The following LINGO2 variants were observed in gnomAD, a reference collection of about 807,000 sequenced individuals.
The protein encoded by LINGO2 is leucine-rich repeat and immunoglobulin-like domain-containing nogo receptor-interacting protein 2.
A neutral mutation model predicts 30.6 loss-of-function variants in LINGO2; 14 were observed. The observed-to-expected ratio is 0.46, with a 90% confidence interval of 0.30 to 0.72. LINGO2 has a LOEUF of 0.72. LINGO2 is among the 30% of genes least tolerant of loss of function. The pLI is 0.07. For missense variants in LINGO2, 729 were observed against 751.7 expected, an observed-to-expected ratio of 0.97 and a Z score of 0.35; for synonymous variants, 317 against 288.5, an observed-to-expected ratio of 1.10 and a Z score of -1.00.
chr9:28,059,376 A>G (rs549299508), intron 4 of LINGO2, among the ~76,000 whole-genome samples: 3 of 151,842 alleles, frequency 2.0e-5, no homozygotes, highest in Non-Finnish European at 4.4e-5. Context: ...ACCGGGTCCC[A>G]GCTTTGTTTC....
chr9:29,045,586 A>G, the LINGO2 span, among the ~76,000 whole-genome samples: 2 of 151,516 alleles, frequency 1.3e-5, no homozygotes, highest in African/African-American at 4.8e-5. Context: ...TCATGATTAA[A>G]AAAAAAAAAA....
intron 5 of LINGO2, among the ~76,000 whole-genome samples, chr9:28,002,817 G>T (rs1822030123): frequency 6.6e-6 from 1 of 152,064 alleles, no homozygotes; most frequent in African/African-American, 2.4e-5. Context: ...GGCTACTCTG[G>T]TTTCCTTCGA....
intron 1 of LINGO2, among the ~76,000 whole-genome samples, chr9:28,490,730 T>C (rs1383364175): frequency 6.6e-6 from 1 of 152,192 alleles, no homozygotes; most frequent in Non-Finnish European, 1.5e-5. Context: ...TAGAGAGAAG[T>C]AACATTCTCA....
intron 3 of LINGO2, among the ~76,000 whole-genome samples, chr9:28,348,788 G>A (rs562639025): frequency 3.3e-5 from 5 of 151,968 alleles, no homozygotes; most frequent in Admixed American, 2.0e-4. Flanking sequence ...CTCCCAGCAC[G>A]CAGCTGGAGA....
chr9:28,363,976 CA>C (rs144751973), intron 3 of LINGO2, among the ~76,000 whole-genome samples: 11,116 of 118,412 alleles, frequency 0.094, 504 homozygotes, highest in African/African-American at 0.16. Flanking sequence ...AATTAGGTTA[CA>C]AAAAAAAAAA....
At chr9:28,505,220 T>C (rs750346994) in intron 1 of LINGO2, among the ~76,000 whole-genome samples, 4 of 151,820 alleles carry the variant, frequency 2.6e-5, no homozygotes, top group South Asian at 2.1e-4. Context: ...CTAGAAAGCA[T>C]AAAGGGGAAA....
chr9:29,153,923 T>C, the LINGO2 span, among the ~76,000 whole-genome samples: 2 of 152,134 alleles, frequency 1.3e-5, no homozygotes, highest in Non-Finnish European at 2.9e-5. Context: ...GCCTCAACCT[T>C]GACTTTTTCC....
At chr9:28,802,499 C>T in the LINGO2 span, among the ~76,000 whole-genome samples, 1 of 151,668 alleles carries the variant, frequency 6.6e-6, no homozygotes, top group African/African-American at 2.4e-5. Context: ...TCTGCTTTGG[C>T]TTAATCTATA....
chr9:28,161,040 G>A (rs1397695724), intron 4 of LINGO2, among the ~76,000 whole-genome samples: 2 of 152,184 alleles, frequency 1.3e-5, no homozygotes, highest in Non-Finnish European at 2.9e-5. Flanking sequence ...TAGAATCTCT[G>A]CCATTGCATC....
the LINGO2 span, among the ~76,000 whole-genome samples, chr9:29,104,230 T>C: frequency 6.6e-6 from 1 of 152,168 alleles, no homozygotes; most frequent in Non-Finnish European, 1.5e-5. Context: ...TGAATTGTAA[T>C]AGCCAGTGTT....
the LINGO2 span, among the ~76,000 whole-genome samples, chr9:28,791,123 C>T: frequency 6.6e-6 from 1 of 152,090 alleles, no homozygotes; most frequent in African/African-American, 2.4e-5. Context: ...CCCTTCCTTT[C>T]TCACCACCAA....
At chr9:28,087,155 C>T (rs1474969990) in intron 4 of LINGO2, among the ~76,000 whole-genome samples, 3 of 152,056 alleles carry the variant, frequency 2.0e-5, no homozygotes, top group South Asian at 2.1e-4. Flanking sequence ...GACCAGTTAG[C>T]TCCTAGTCCA....
At chr9:29,032,531 A>G in the LINGO2 span, among the ~76,000 whole-genome samples, 1 of 152,296 alleles carries the variant, frequency 6.6e-6, no homozygotes, top group South Asian at 2.1e-4. Context: ...TAATGTCTCA[A>G]ATTTAACTTA....
At chr9:28,574,930 A>G (rs1221078505) in intron 1 of LINGO2, among the ~76,000 whole-genome samples, 1 of 152,192 alleles carries the variant, frequency 6.6e-6, no homozygotes, top group Middle Eastern at 3.2e-3. Context: ...TACTATTCAC[A>G]ATAGCAAAGT....
chr9:28,822,298 C>A, the LINGO2 span, among the ~76,000 whole-genome samples: 4 of 152,152 alleles, frequency 2.6e-5, no homozygotes, highest in Admixed American at 2.6e-4. Context: ...AGACATAAAC[C>A]TGGCCTGCAC....
chr9:28,014,311 A>G (rs910548329), intron 4 of LINGO2, among the ~76,000 whole-genome samples: 8 of 152,354 alleles, frequency 5.3e-5, no homozygotes, highest in African/African-American at 1.9e-4. Flanking sequence ...TTATAATTGC[A>G]TAATAGTCTC....
intron 1 of LINGO2, among the ~76,000 whole-genome samples, chr9:28,506,056 CAATAT>C (rs1421050784): frequency 6.6e-5 from 10 of 151,636 alleles, no homozygotes; most frequent in South Asian, 2.1e-4. Flanking sequence ...TCAATAATAA[CAATAT>C]AATATGAGTA....
chr9:28,865,318 G>C, the LINGO2 span, among the ~76,000 whole-genome samples: 1 of 152,030 alleles, frequency 6.6e-6, no homozygotes, highest in East Asian at 1.9e-4. Flanking sequence ...CTGAAATATG[G>C]GCAGAGTAAA....
chr9:28,280,210 A>T (rs1480128732), intron 4 of LINGO2, among the ~76,000 whole-genome samples: 1 of 152,158 alleles, frequency 6.6e-6, no homozygotes, highest in East Asian at 1.9e-4. Flanking sequence ...TTCAGCAAAA[A>T]TTTTTGAGAG....
Sources: allele counts gnomAD v4.1 joint callset (sites outside exome capture counted in the v4.1 genomes callset), GRCh38; gene constraint gnomAD v4.1.1; transcripts MANE v1.5; gene names NCBI Gene and HGNC (gene_info 2026-07-23, HGNC 2026-07-21).